The following MIB1 variants were observed in gnomAD, a reference collection of about 807,000 sequenced individuals.
MIB1 encodes the protein MIB E3 ubiquitin protein ligase 1, also known as E3 ubiquitin-protein ligase MIB1.
Under a neutral mutation model 124.5 loss-of-function variants are expected in MIB1, and 278 were observed. That is an observed-to-expected ratio of 2.23 (90% CI 2.02 to 2.47). The LOEUF (loss-of-function observed/expected upper bound fraction) is 2.47, where lower values mean the gene tolerates loss of function less well. Among genes scored for constraint, MIB1 ranks in the 30% most tolerant of loss-of-function variants. The probability of loss-of-function intolerance (pLI) is 0.00; values close to 1 mark genes in which losing one functional copy is unlikely to be tolerated. For synonymous variants in MIB1, 446 were observed against 429.4 expected (o/e 1.04, Z -0.48); for missense variants, 957 against 1,254.4 (o/e 0.76, Z 3.58).
chr18:21,778,986 A>G (rs3931634), intron 5 of MIB1, among the ~76,000 whole-genome samples: 2,961 of 152,226 alleles, frequency 0.019, 40 homozygotes, highest in East Asian at 0.069. Context: ...AGCTTTTGAA[A>G]ATAATCTAGG....
At chr18:21,735,616 A>G (rs1009495497) in intron 1 of MIB1, among the ~76,000 whole-genome samples, 1 of 152,138 alleles carries the variant, frequency 6.6e-6, no homozygotes, top group East Asian at 1.9e-4. Context: ...GCAAGCTAAG[A>G]TCCACTGGCT....
At chr18:21,750,735 AT>A (rs2040965522) in intron 1 of MIB1, among the ~76,000 whole-genome samples, 1 of 152,132 alleles carries the variant, frequency 6.6e-6, no homozygotes, top group Non-Finnish European at 1.5e-5. Flanking sequence ...AAGTCCTGCG[AT>A]TACAGGCGTG....
intron 12 of MIB1, among the ~76,000 whole-genome samples, chr18:21,835,171 G>C (rs1046592155): frequency 6.6e-6 from 1 of 151,954 alleles, no homozygotes; most frequent in Non-Finnish European, 1.5e-5. Context: ...TTTTAAAAGT[G>C]TATTAAAGGC....
At chr18:21,719,057 G>A (rs1375287297) in intron 1 of MIB1, among the ~76,000 whole-genome samples, 12 of 151,952 alleles carry the variant, frequency 7.9e-5, no homozygotes, top group Non-Finnish European at 1.5e-4. Flanking sequence ...GAGTGGTGGC[G>A]CATGCCTGTA....
chr18:21,724,759 T>A (rs2146360616), intron 1 of MIB1, among the ~76,000 whole-genome samples: 2 of 103,038 alleles, frequency 1.9e-5, no homozygotes, highest in African/African-American at 7.6e-5. Context: ...TATATATATA[T>A]ATATATATAT....
intron 10 of MIB1, among the ~76,000 whole-genome samples, chr18:21,805,878 C>G (rs1598620022): frequency 7.0e-6 from 1 of 142,052 alleles, no homozygotes; most frequent in African/African-American, 2.6e-5. Flanking sequence ...CACTGTTTTT[C>G]AAGAGTAATT....
Position 21,864,703 on chromosome 18 carries a change from T to G in MIB1, c.*37T>G. On this transcript the variant is annotated 3_prime_UTR_variant, in exon 21 of 21. Coordinates refer to ENST00000261537, the MANE Select transcript of MIB1 (RefSeq NM_020774.4). ...GGTGTATTTTGTTAGCTAATGTATC[T>G]AGTCATGAGATCTTAATAGGCTTTT... is the stretch of plus-strand genomic sequence containing the variant. The G allele has an allele frequency of 6.5e-7, 1 of 1,547,322 alleles. No homozygotes were observed. Among genetic ancestry groups the G allele is most frequent in the Middle Eastern group, 1.7e-4 (1 of 5,886 alleles).
At chr18:21,747,183 C>T (rs2040921172) in intron 1 of MIB1, among the ~76,000 whole-genome samples, 1 of 152,176 alleles carries the variant, frequency 6.6e-6, no homozygotes, top group African/African-American at 2.4e-5. Context: ...ATTTTAAAGG[C>T]TTCTGTAAAA....
At chr18:21,779,377 T>G (rs1175901066) in intron 5 of MIB1, 104 bp from the exon 6 acceptor site, 2 of 853,596 alleles carry the variant, frequency 2.3e-6, no homozygotes, top group Non-Finnish European at 3.8e-6. Context: ...TAAAACTAGA[T>G]GGTACCTGAA....
intron 1 of MIB1, among the ~76,000 whole-genome samples, chr18:21,732,710 G>T (rs768283517): frequency 6.6e-6 from 1 of 152,050 alleles, no homozygotes; most frequent in Non-Finnish European, 1.5e-5. Flanking sequence ...GGAAACAAAC[G>T]ATTTTTTAAG....
At chr18:21,863,800 T>A (rs916009632) in intron 20 of MIB1, among the ~76,000 whole-genome samples, 14 of 151,972 alleles carry the variant, frequency 9.2e-5, no homozygotes, top group African/African-American at 2.9e-4. Flanking sequence ...GGTCAGAAGA[T>A]CAAGACCATC....
intron 1 of MIB1, among the ~76,000 whole-genome samples, chr18:21,734,464 TTCTCTCTCTCTCTTTCTC>T (rs1434709018): frequency 4.6e-4 from 58 of 127,396 alleles, no homozygotes; most frequent in Admixed American, 2.6e-4. Context: ...TTTCTTTTCT[TTCTCTCTCTCTCTTTCTC>T]TCTCTCTCTC....
chr18:21,730,418 AT>A (rs1219572482), intron 1 of MIB1, among the ~76,000 whole-genome samples: 7 of 152,176 alleles, frequency 4.6e-5, no homozygotes, highest in African/African-American at 1.7e-4. Flanking sequence ...AATAAAAAAA[AT>A]TGGCTGGGTG....
chr18:21,852,731 A>G (rs2042190922), intron 17 of MIB1, among the ~76,000 whole-genome samples: 1 of 152,210 alleles, frequency 6.6e-6, no homozygotes, highest in Non-Finnish European at 1.5e-5. Context: ...TGGCTAATCT[A>G]GCTAGATTTT....
At position 21,847,087 on chromosome 18, in the gene MIB1, C is replaced by G; in HGVS notation, c.2355C>G (p.Leu785=). Residue 785 remains leucine (L), a synonymous_variant, in exon 16 of 21, where the codon CTC becomes CTG. Transcript: ENST00000261537. Reference sequence around the variant, plus strand: ...TTGATCTCTGTCCTGATCCGAATCTCTGCAAAGCACTGGCAAAGTGTCATA... The same window carrying G: ...TTGATCTCTGTCCTGATCCGAATCTGTGCAAAGCACTGGCAAAGTGTCATA... The part of the protein sequence containing the change: ...SPLDLCPDPN[L]CKALAKCHKE... The G allele has an allele frequency of 6.2e-7, 1 of 1,614,122 alleles. No individual in the cohort carries two copies. The highest frequency in any genetic ancestry group is 8.5e-7 in the Non-Finnish European group (1 of 1,180,000).
At chr18:21,733,340 G>A (rs2040780962) in intron 1 of MIB1, among the ~76,000 whole-genome samples, 2 of 152,120 alleles carry the variant, frequency 1.3e-5, no homozygotes, top group South Asian at 2.1e-4. Flanking sequence ...CTACAGCCTT[G>A]AACTCCTAGG....
chr18:21,850,866 T>C (rs554503895), intron 17 of MIB1, among the ~76,000 whole-genome samples: 1 of 152,312 alleles, frequency 6.6e-6, no homozygotes, highest in East Asian at 1.9e-4. Context: ...AAGCCATTCT[T>C]TTGTCTTTAG....
intron 1 of MIB1, among the ~76,000 whole-genome samples, chr18:21,750,347 A>G (rs942384008): frequency 6.7e-6 from 1 of 150,364 alleles, no homozygotes; most frequent in African/African-American, 2.5e-5. Flanking sequence ...ATTTTTTTTG[A>G]GACGGAGTCT....
intron 1 of MIB1, among the ~76,000 whole-genome samples, chr18:21,724,839 T>C (rs2040734034): frequency 7.4e-6 from 1 of 135,756 alleles, no homozygotes; most frequent in African/African-American, 2.8e-5. Flanking sequence ...ACACCTGTAA[T>C]CCCAACACTT....
Sources: gnomAD v4.1 joint callset for allele counts (sites outside exome capture counted in the v4.1 genomes callset) on GRCh38, gnomAD v4.1.1 for gene constraint, MANE v1.5 for transcripts, NCBI Gene and HGNC (gene_info 2026-07-23, HGNC 2026-07-21) for gene names.